The following IFT46 variants were observed in gnomAD, a reference collection of about 807,000 sequenced individuals.
IFT46 encodes intraflagellar transport protein 46 homolog.
IFT46 carries 19 observed loss-of-function variants against 39.6 expected under a neutral mutation model. The ratio of observed to expected loss-of-function variants is 0.48; its 90% CI spans 0.33 to 0.70. The LOEUF (loss-of-function observed/expected upper bound fraction) is 0.70, where lower values mean the gene tolerates loss of function less well. IFT46 is among the 30% of genes least tolerant of loss of function. The pLI, the probability that IFT46 is intolerant of heterozygous loss-of-function variation, is 0.01. For missense variants in IFT46, 334 were observed against 364.8 expected (o/e 0.92, Z 0.69); for synonymous variants, 117 against 134.8 (o/e 0.87, Z 0.91).
chr11:118,567,028 T>C (rs1938240929), upstream of IFT46, among the ~76,000 whole-genome samples: 1 of 149,832 alleles, frequency 6.7e-6, no homozygotes, highest in African/African-American at 2.5e-5. Flanking sequence ...AGTTCAGGAG[T>C]TTGAGACCAG....
At chr11:118,573,404 C>T (rs1260152669), upstream of IFT46, among the ~76,000 whole-genome samples, 2 of 152,070 alleles carry the variant, frequency 1.3e-5, no homozygotes, top group Non-Finnish European at 2.9e-5. Context: ...TCATCTGTTA[C>T]AAGGATGAGA....
At chr11:118,548,742 C>T (rs908508628) in intron 9 of IFT46, among the ~76,000 whole-genome samples, 44 of 151,676 alleles carry the variant, frequency 2.9e-4, no homozygotes, top group Admixed American at 2.0e-3. Context: ...CCTCTTGCCT[C>T]GCCCTCCCAA....
Position 118,544,805 on chromosome 11 carries a change from T to C in IFT46, c.*111A>G. 1 of 764,066 alleles carries C rather than the reference T, an allele frequency of 1.3e-6. No individual in the cohort carries two copies. Among genetic ancestry groups the C allele is most frequent in the Admixed American group, 2.1e-5 (1 of 47,824 alleles). 47.3% of individuals were successfully genotyped at this position (764,066 alleles called of 1,614,324 possible). Reference sequence around the variant, plus strand: ...AGGGCAGCAGGACATGCACTGCCCCTGAGCCAAGCTGTGGCATGGGCAAGG... The same window carrying C: ...AGGGCAGCAGGACATGCACTGCCCCCGAGCCAAGCTGTGGCATGGGCAAGG... On this transcript the variant is annotated 3_prime_UTR_variant, in exon 12 of 12. Transcript: ENST00000264021.
chr11:118,573,790 A>G, upstream of IFT46: 2 of 550,866 alleles, frequency 3.6e-6, no homozygotes, highest in South Asian at 2.2e-5. Flanking sequence ...TCAGGTATAT[A>G]AATTGCATCA....
chr11:118,547,903 C>T (rs530266691), intron 9 of IFT46, among the ~76,000 whole-genome samples: 39 of 151,468 alleles, frequency 2.6e-4, no homozygotes, highest in Middle Eastern at 3.4e-3. Context: ...CCCGCCACAG[C>T]GCCCGGCTAA....
At chr11:118,545,617 C>T in intron 10 of IFT46, 123 bp from the exon 11 acceptor site, 1 of 1,072,284 alleles carries the variant, frequency 9.3e-7, no homozygotes, top group Non-Finnish European at 1.4e-6. Context: ...GGGTTAAATA[C>T]CCAGCAGGTA....
intron 2 of IFT46, chr11:118,561,350 C>T (rs1938048773): frequency 2.2e-6 from 2 of 913,722 alleles, no homozygotes; most frequent in Admixed American, 1.7e-5. Flanking sequence ...TTACAAGAAC[C>T]AGTTCTCTCA....
intron 4 of IFT46, 61 bp from the exon 5 acceptor site, chr11:118,555,383 T>C: frequency 8.0e-7 from 1 of 1,255,186 alleles, no homozygotes; most frequent in Admixed American, 1.7e-5. Context: ...GGCAGGGTCC[T>C]AGGTGCTGGT....
At chr11:118,572,791 C>T in exon 1 of IFT46, 3 of 469,498 alleles carry the variant, frequency 6.4e-6, no homozygotes, top group Middle Eastern at 5.6e-4. Flanking sequence ...CAGCTGGACT[C>T]CCTCGTTTGC....
Position 118,552,253 on chromosome 11 carries a change from A to C in IFT46, c.566T>G (p.Leu189Ter). The C allele has an allele frequency of 6.2e-7, 1 of 1,614,170 alleles. No homozygotes were observed. The change falls in exon 8 of 12, where the codon TTA (leucine) becomes TGA (stop). Residue 189 changes from leucine to a stop codon, truncating the protein, a stop_gained. Coordinates refer to ENST00000264021, the MANE Select transcript of IFT46 (RefSeq NM_001168618.2). LOFTEE classifies it high-confidence loss of function. ...AGTCGCAGGGGGCTTAGAACGGTGTAATTCAGAGATGCTCTCAATCCACGT... is the reference window on the plus strand; with the variant it reads ...AGTCGCAGGGGGCTTAGAACGGTGTCATTCAGAGATGCTCTCAATCCACGT... ...IDTWIESISE[L>*]HRSKPPATVH...
Position 118,552,213 on chromosome 11 carries a change from C to G in IFT46, c.605+1G>C, listed in dbSNP as rs1555068611. ...GTTGCAAAGAATGTGGTATTTCTTA[C>G]CTGGTGTAGTGCACAGTCGCAGGGG... On this transcript the variant is annotated splice_donor_variant, in intron 8 of 11. Transcript: ENST00000264021. LOFTEE classifies it high-confidence loss of function. The G allele has an allele frequency of 1.2e-6, 2 of 1,613,996 alleles. No homozygotes were observed. The highest frequency in any genetic ancestry group is 1.7e-6 in the Non-Finnish European group (2 of 1,179,962).
chr11:118,545,996 G>A (rs1951675133), intron 9 of IFT46, 143 bp from the exon 10 acceptor site: 1 of 730,770 alleles, frequency 1.4e-6, no homozygotes, highest in South Asian at 1.5e-5. Context: ...CAGATATTGA[G>A]TTCCTAACTC....
rs1396502648 is a variant in IFT46, at chr11:118,554,919, A to T, written c.354+71T>A. On this transcript the variant is annotated intron_variant, in intron 6 of 11. Coordinates refer to ENST00000264021, the MANE Select transcript of IFT46 (RefSeq NM_001168618.2). ...CCAATGCTAGTCAAAGAAATTAGGGAAACTGTTAAGAGTAACAGGGGCATC... is the reference window on the plus strand; with the variant it reads ...CCAATGCTAGTCAAAGAAATTAGGGTAACTGTTAAGAGTAACAGGGGCATC... The T allele has an allele frequency of 4.4e-6, 5 of 1,141,768 alleles. No homozygotes were observed. In the African/African-American group the frequency reaches 7.7e-5, roughly 18 times the overall value. The allele number at this position is 1,141,768 out of a possible 1,614,324, so 70.7% of individuals were successfully genotyped here. A position where few individuals can be genotyped will look rare whatever the true frequency, so the allele number is the denominator to read the frequency against.
chr11:118,546,115 A>T, intron 9 of IFT46: 1 of 718,542 alleles, frequency 1.4e-6, no homozygotes, highest in Non-Finnish European at 2.6e-6. Flanking sequence ...TGGTGTCCTT[A>T]TAGGAAGAAG....
At chr11:118,546,296 G>C in intron 9 of IFT46, 1 of 631,180 alleles carries the variant, frequency 1.6e-6, no homozygotes, top group East Asian at 2.8e-5. Context: ...CTAGGAGTTC[G>C]AGACCAGCCT....
chr11:118,575,620 A>G (rs1320232745), upstream of IFT46, among the ~76,000 whole-genome samples: 6 of 152,224 alleles, frequency 3.9e-5, no homozygotes, highest in Non-Finnish European at 4.4e-5. Flanking sequence ...CTCCCTGACA[A>G]TTATAGAAAC....
Position 118,555,022 on chromosome 11 carries a change from G to C in IFT46, c.322C>G (p.Pro108Ala). The C allele has an allele frequency of 6.2e-7, 1 of 1,613,754 alleles. No homozygotes were observed. Among genetic ancestry groups the C allele is most frequent in the Non-Finnish European group, 8.5e-7 (1 of 1,179,686 alleles). The change falls in exon 6 of 12, where the codon CCA (proline) becomes GCA (alanine). Residue 108 changes from proline (P) to alanine (A), a missense_variant. By Grantham distance (27) the Pro-to-Ala change is conservative. Coordinates refer to ENST00000264021, the MANE Select transcript of IFT46 (RefSeq NM_001168618.2). The part of the protein sequence containing the change: ...KLKPFIPDFI[P>A]AVGDIDAFLK... ...AATGCATCAATATCCCCGACAGCTGGGATAAAATCAGGAATGAAAGGCTTC... is the reference window on the plus strand; with the variant it reads ...AATGCATCAATATCCCCGACAGCTGCGATAAAATCAGGAATGAAAGGCTTC...
At chr11:118,566,254 A>G (rs1425233967), upstream of IFT46, among the ~76,000 whole-genome samples, 4 of 152,228 alleles carry the variant, frequency 2.6e-5, no homozygotes, top group Non-Finnish European at 5.9e-5. Flanking sequence ...ACCAGGATGT[A>G]GACACATTCC....
chr11:118,547,837 C>G (rs1217611665), intron 9 of IFT46, among the ~76,000 whole-genome samples: 6 of 149,026 alleles, frequency 4.0e-5, no homozygotes, highest in African/African-American at 1.5e-4. Context: ...ATCTCCGTCT[C>G]CCGGGTTCAC....
Sources: gnomAD v4.1 joint callset for allele counts (sites outside exome capture counted in the v4.1 genomes callset) on GRCh38, gnomAD v4.1.1 for gene constraint, MANE v1.5 for transcripts, NCBI Gene and HGNC (gene_info 2026-07-23, HGNC 2026-07-21) for gene names.